MAGI2: variants seen among roughly 807,000 people sequenced by gnomAD.
MAGI2 encodes membrane associated guanylate kinase, WW and PDZ domain containing 2, also known as membrane-associated guanylate kinase, WW and PDZ domain-containing protein 2.
Under a neutral mutation model 133.3 loss-of-function variants are expected in MAGI2, and 35 were observed. The observed-to-expected ratio is 0.26, with a 90% CI of 0.20 to 0.35. The LOEUF (loss-of-function observed/expected upper bound fraction) is 0.35. Ranked by LOEUF, MAGI2 falls within the 10% of genes least tolerant of loss-of-function variation. MAGI2 has a pLI of 1.00. For missense variants in MAGI2, 1,636 were observed against 1,863.4 expected (o/e 0.88, Z 2.25); for synonymous variants, 729 against 710.6 (o/e 1.03, Z -0.41).
intron 1 of MAGI2, among the ~76,000 whole-genome samples, chr7:79,297,349 G>C (rs1837017732): frequency 2.0e-5 from 3 of 152,208 alleles, no homozygotes; most frequent in Admixed American, 6.5e-5. Context: ...AAATAAAATA[G>C]ATTAAGCATT....
chr7:78,535,829 A>G (rs1281432674), intron 3 of MAGI2, among the ~76,000 whole-genome samples: 1 of 151,810 alleles, frequency 6.6e-6, no homozygotes, highest in African/African-American at 2.4e-5. Context: ...GCATCAGCTG[A>G]CACCACCTAG....
intron 2 of MAGI2, among the ~76,000 whole-genome samples, chr7:78,805,628 T>C (rs1022164001): frequency 6.6e-6 from 1 of 152,180 alleles, no homozygotes; most frequent in Non-Finnish European, 1.5e-5. Flanking sequence ...ACACTGCATA[T>C]AGCTGACCTG....
chr7:79,412,149 T>C lies in MAGI2; in HGVS notation c.301+40871A>G, dbSNP rs533295478. ...AAAAAAGCTCACTCATTTCATAAAT[T>C]AGCCCTGTATTTTTTCTTACCTCAC... On this transcript the variant is annotated intron_variant, in intron 1 of 21. Coordinates refer to ENST00000354212, the MANE Select transcript of MAGI2 (RefSeq NM_012301.4). 9 of 152,068 alleles carry C rather than the reference T, an allele frequency of 5.9e-5. 1 individual carries two copies. The South Asian group carries it at 6.2e-4, about 11-fold the overall frequency. The allele number at this position is 152,068 out of a possible 1,614,324, so 9.4% of individuals were successfully genotyped here.
chr7:78,676,005 G>A (rs1187690070), intron 2 of MAGI2, among the ~76,000 whole-genome samples: 2 of 152,086 alleles, frequency 1.3e-5, no homozygotes, highest in Non-Finnish European at 2.9e-5. Context: ...AAAGTTAAAA[G>A]GATATTGTTT....
chr7:79,270,083 A>G (rs950896170), intron 1 of MAGI2, among the ~76,000 whole-genome samples: 1 of 152,130 alleles, frequency 6.6e-6, no homozygotes, highest in African/African-American at 2.4e-5. Context: ...CCTATGACGC[A>G]TGACTCAACC....
intron 2 of MAGI2, among the ~76,000 whole-genome samples, chr7:78,774,259 G>A (rs1285154190): frequency 6.6e-6 from 1 of 152,166 alleles, no homozygotes; most frequent in Admixed American, 6.5e-5. Flanking sequence ...GGTTTGGAGA[G>A]AGGCAAGACA....
At chr7:78,751,561 C>T (rs1823463085) in intron 2 of MAGI2, among the ~76,000 whole-genome samples, 1 of 152,170 alleles carries the variant, frequency 6.6e-6, no homozygotes, top group African/African-American at 2.4e-5. Context: ...ATGGCTACTA[C>T]TCAATTGTGG....
At chr7:78,290,050 C>A (rs142117936) in intron 9 of MAGI2, among the ~76,000 whole-genome samples, 1 of 152,148 alleles carries the variant, frequency 6.6e-6, no homozygotes, top group African/African-American at 2.4e-5. Context: ...CATCAACAAA[C>A]GGGCAAAATA....
At chr7:78,139,072 A>C (rs1402469574) in intron 16 of MAGI2, among the ~76,000 whole-genome samples, 1 of 152,224 alleles carries the variant, frequency 6.6e-6, no homozygotes, top group African/African-American at 2.4e-5. Context: ...AGTTAGAATA[A>C]AAACTAAGAT....
At chr7:78,926,827 AG>A (rs1469575960) in intron 2 of MAGI2, among the ~76,000 whole-genome samples, 1 of 151,518 alleles carries the variant, frequency 6.6e-6, no homozygotes, top group Non-Finnish European at 1.5e-5. Flanking sequence ...GGTGGGGAAA[AG>A]GTTTTTTTTT....
intron 3 of MAGI2, among the ~76,000 whole-genome samples, chr7:78,576,608 T>C (rs950403924): frequency 3.4e-5 from 5 of 147,474 alleles, no homozygotes; most frequent in Non-Finnish European, 7.6e-5. Flanking sequence ...GAAGGAATGT[T>C]ACACATAGAC....
At chr7:78,301,851 C>T (rs1430012398) in intron 9 of MAGI2, among the ~76,000 whole-genome samples, 1 of 152,108 alleles carries the variant, frequency 6.6e-6, no homozygotes, top group Non-Finnish European at 1.5e-5. Flanking sequence ...CCAGTCATGG[C>T]CTCATTGTTC....
chr7:78,766,248 A>T (rs1825017472), intron 2 of MAGI2, among the ~76,000 whole-genome samples: 1 of 152,226 alleles, frequency 6.6e-6, no homozygotes, highest in Non-Finnish European at 1.5e-5. Flanking sequence ...TTCCAGAGTC[A>T]GTTGAGATTT....
intron 1 of MAGI2, among the ~76,000 whole-genome samples, chr7:79,267,156 G>A (rs1365045267): frequency 6.6e-6 from 1 of 152,078 alleles, no homozygotes; most frequent in Non-Finnish European, 1.5e-5. Flanking sequence ...AAGAACCCTT[G>A]CTTGTCAGCC....
At chr7:78,907,579 T>C (rs191435901) in intron 2 of MAGI2, among the ~76,000 whole-genome samples, 1 of 152,294 alleles carries the variant, frequency 6.6e-6, no homozygotes, top group East Asian at 1.9e-4. Flanking sequence ...GTATACTAAA[T>C]ACAAGATTAG....
intron 1 of MAGI2, among the ~76,000 whole-genome samples, chr7:79,368,223 C>A (rs1301573871): frequency 6.6e-6 from 1 of 152,028 alleles, no homozygotes; most frequent in East Asian, 1.9e-4. Context: ...TGAGGAATAA[C>A]AGAGACAGCA....
chr7:78,981,375 C>G (rs1804770815), intron 2 of MAGI2, among the ~76,000 whole-genome samples: 1 of 151,524 alleles, frequency 6.6e-6, no homozygotes, highest in Admixed American at 6.6e-5. Flanking sequence ...GACAAAACCT[C>G]CATGTTATTA....
At chr7:78,109,324 A>G (rs28459983) in intron 20 of MAGI2, among the ~76,000 whole-genome samples, 2 of 135,042 alleles carry the variant, frequency 1.5e-5, no homozygotes, top group African/African-American at 3.0e-5. Flanking sequence ...AAAAAAAAAA[A>G]AAAAAAAAAA....
intron 2 of MAGI2, among the ~76,000 whole-genome samples, chr7:78,650,389 G>A (rs1287752884): frequency 6.6e-6 from 1 of 152,152 alleles, no homozygotes; most frequent in Non-Finnish European, 1.5e-5. Context: ...GGAGAAGTGG[G>A]AACCAAAGTC....
Sources: gnomAD v4.1 joint callset for allele counts (sites outside exome capture counted in the v4.1 genomes callset) on GRCh38, gnomAD v4.1.1 for gene constraint, MANE v1.5 for transcripts, NCBI Gene and HGNC (gene_info 2026-07-23, HGNC 2026-07-21) for gene names.